Variants in PRTG observed in about 807,000 individuals in gnomAD.
PRTG encodes the protein protogenin.
PRTG carries 67 observed loss-of-function variants against 122.5 expected under a neutral mutation model. The ratio of observed to expected loss-of-function variants is 0.55; its 90% CI spans 0.45 to 0.67. The LOEUF (loss-of-function observed/expected upper bound fraction) is 0.67, where lower values mean the gene tolerates loss of function less well. Ranked by LOEUF, PRTG falls within the 30% of genes least tolerant of loss-of-function variation. PRTG has a pLI of 0.00. For synonymous variants in PRTG, 554 were observed against 501.1 expected (o/e 1.11, Z -1.41); for missense variants, 1,435 against 1,415.4 (o/e 1.01, Z -0.22).
intron 2 of PRTG, among the ~76,000 whole-genome samples, chr15:55,738,012 A>C (rs891354620): frequency 0.039 from 3,613 of 93,490 alleles, 76 homozygotes; most frequent in Non-Finnish European, 0.061. Flanking sequence ...CTATATATAT[A>C]TATATATATA....
At chr15:55,647,798 C>A (rs971165849) in intron 11 of PRTG, among the ~76,000 whole-genome samples, 3 of 152,192 alleles carry the variant, frequency 2.0e-5, no homozygotes, top group Non-Finnish European at 4.4e-5. Context: ...CAAACAAGAT[C>A]TAGAGAACAG....
chr15:55,702,307 G>T (rs1356523482), intron 2 of PRTG, among the ~76,000 whole-genome samples: 1 of 152,122 alleles, frequency 6.6e-6, no homozygotes, highest in African/African-American at 2.4e-5. Flanking sequence ...ATTCCCAGGA[G>T]CTTAGGATAT....
rs769451367 is a variant in PRTG, at chr15:55,672,667, CA to C, written c.1853-35del. On this transcript the variant is annotated intron_variant, in intron 10 of 19. Coordinates refer to ENST00000389286, the MANE Select transcript of PRTG (RefSeq NM_173814.6). The stretch of plus-strand genomic sequence containing the variant: ...ATTCATCAGAAAATGTATGTATAAA[CA>C]ACCCAATATCCACATAAAGACACAG... 210 of 1,527,640 alleles carry C rather than the reference CA, an allele frequency of 1.4e-4. No individual in the cohort carries two copies. In the African/African-American group the frequency reaches 2.6e-3, roughly 19 times the overall value. 94.6% of individuals were successfully genotyped at this position (1,527,640 alleles called of 1,614,324 possible). A position where few individuals can be genotyped will look rare whatever the true frequency, so the allele number is the denominator to read the frequency against.
chr15:55,620,927 T>C (rs1047463686), intron 18 of PRTG, among the ~76,000 whole-genome samples, 160 bp from the exon 19 acceptor site: 4 of 152,226 alleles, frequency 2.6e-5, no homozygotes, highest in South Asian at 4.1e-4. Context: ...GTTTGTTACA[T>C]GAGTGGGGTA....
At chr15:55,650,173 C>T (rs983309324) in intron 11 of PRTG, among the ~76,000 whole-genome samples, 2 of 152,000 alleles carry the variant, frequency 1.3e-5, no homozygotes, top group Admixed American at 6.6e-5. Flanking sequence ...CTCATCTGTA[C>T]GATTAGAAAG....
At chr15:55,708,176 A>C (rs2030222893) in intron 2 of PRTG, among the ~76,000 whole-genome samples, 1 of 146,240 alleles carries the variant, frequency 6.8e-6, no homozygotes, top group Non-Finnish European at 1.5e-5. Flanking sequence ...AAAAAAAAAA[A>C]ACAGAGGCAG....
At chr15:55,630,496 T>C (rs1384684311) in intron 15 of PRTG, among the ~76,000 whole-genome samples, 2 of 152,186 alleles carry the variant, frequency 1.3e-5, no homozygotes, top group Non-Finnish European at 2.9e-5. Flanking sequence ...CTCAGAGTAC[T>C]GAAGACAGGT....
chr15:55,699,110 T>C (rs1037787778), intron 2 of PRTG, among the ~76,000 whole-genome samples: 9 of 152,164 alleles, frequency 5.9e-5, no homozygotes, highest in African/African-American at 2.2e-4. Context: ...TTGGAGCTAA[T>C]AGATATTATT....
chr15:55,734,443 T>C (rs562288301), intron 2 of PRTG, among the ~76,000 whole-genome samples: 7 of 152,248 alleles, frequency 4.6e-5, no homozygotes, highest in African/African-American at 1.4e-4. Flanking sequence ...CTTCAAGAAG[T>C]AAGCTTTAAA....
intron 2 of PRTG, among the ~76,000 whole-genome samples, chr15:55,733,835 AAACAACAACAACAAC>A (rs370070328): frequency 6.6e-6 from 1 of 152,054 alleles, no homozygotes; most frequent in East Asian, 1.9e-4. Flanking sequence ...TCAACAACAA[AAACAACAACAACAAC>A]AACAACAAAA....
At chr15:55,712,710 T>C (rs1162998718) in intron 2 of PRTG, among the ~76,000 whole-genome samples, 2 of 152,322 alleles carry the variant, frequency 1.3e-5, no homozygotes, top group Non-Finnish European at 2.9e-5. Context: ...TATTTCAGAT[T>C]ATTACTATCC....
At chr15:55,651,527 T>C (rs554764234) in intron 11 of PRTG, among the ~76,000 whole-genome samples, 1 of 152,256 alleles carries the variant, frequency 6.6e-6, no homozygotes, top group South Asian at 2.1e-4. Context: ...TACTGCCTGA[T>C]TGAAGATGAA....
intron 11 of PRTG, among the ~76,000 whole-genome samples, chr15:55,657,038 A>G (rs1475649619): frequency 1.3e-5 from 2 of 152,222 alleles, no homozygotes; most frequent in African/African-American, 2.4e-5. Flanking sequence ...TCATACTAGA[A>G]TGTCAATTTG....
intron 14 of PRTG, 50 bp downstream of exon 14, chr15:55,638,499 T>C: frequency 7.0e-7 from 1 of 1,436,072 alleles, no homozygotes; most frequent in Non-Finnish European, 9.5e-7. Context: ...TTTAAAACAT[T>C]TCCTTAATTT....
intron 2 of PRTG, among the ~76,000 whole-genome samples, chr15:55,698,211 C>A (rs2059642292): frequency 6.6e-6 from 1 of 152,118 alleles, no homozygotes; most frequent in Non-Finnish European, 1.5e-5. Flanking sequence ...CTTCCCTGTC[C>A]TAAAAAGTAG....
In PRTG at chr15:55,612,374, G is replaced by A. The variant is rs968925421; in HGVS notation, c.*7638C>T. 1 of 151,812 alleles carries A rather than the reference G, an allele frequency of 6.6e-6. No homozygotes were observed. The highest frequency in any genetic ancestry group is 1.9e-4 in the East Asian group (1 of 5,164). 9.4% of individuals were successfully genotyped at this position (151,812 alleles called of 1,614,324 possible). ...TCTATATACCATGAACTACTTACAA[G>A]CTATGAACTTAAGGAAATCTGCAAA... is the stretch of plus-strand genomic sequence containing the variant. On this transcript the variant is annotated 3_prime_UTR_variant, in exon 20 of 20. Coordinates refer to ENST00000389286, the MANE Select transcript of PRTG (RefSeq NM_173814.6).
intron 1 of PRTG, chr15:55,742,411 C>G (rs1169667586): frequency 3.7e-5 from 6 of 160,120 alleles, no homozygotes; most frequent in African/African-American, 1.4e-4. Flanking sequence ...GCGAGGCTGC[C>G]ACTAAGGAAA....
At chr15:55,621,951 G>A (rs1378542242) in intron 18 of PRTG, among the ~76,000 whole-genome samples, 1 of 151,998 alleles carries the variant, frequency 6.6e-6, no homozygotes, top group East Asian at 1.9e-4. Flanking sequence ...AAGCAGATGA[G>A]GATAAACAAA....
At chr15:55,679,958 G>T in intron 6 of PRTG, 96 bp downstream of exon 6, 1 of 910,882 alleles carries the variant, frequency 1.1e-6, no homozygotes, top group Non-Finnish European at 1.7e-6. Flanking sequence ...TCATATCAAT[G>T]CTACAAAGCT....
Sources: allele counts gnomAD v4.1 joint callset (sites outside exome capture counted in the v4.1 genomes callset), GRCh38; gene constraint gnomAD v4.1.1; transcripts MANE v1.5; gene names NCBI Gene and HGNC (gene_info 2026-07-23, HGNC 2026-07-21).